The following TNS2 variants were observed in gnomAD, a reference collection of about 807,000 sequenced individuals.
The protein encoded by TNS2 is tensin 2.
In TNS2, 77 loss-of-function variants were observed where a neutral mutation model predicts 155.7. That is an observed-to-expected ratio of 0.49 (90% CI 0.41 to 0.60). TNS2 has a LOEUF of 0.60. TNS2 is among the 20% of genes least tolerant of loss of function. TNS2 has a pLI of 0.00. For synonymous variants in TNS2, 726 were observed against 763.9 expected (o/e 0.95, Z 0.82); for missense variants, 1,703 against 1,868.8 (o/e 0.91, Z 1.64).
chr12:53,054,766 C>CCGGG (rs1565604138), intron 7 of TNS2, among the ~76,000 whole-genome samples: 2 of 152,182 alleles, frequency 1.3e-5, no homozygotes, highest in East Asian at 3.9e-4. Context: ...CCTCCTCCAC[C>CCGGG]CGGGCTCAAG....
Position 53,057,647 on chromosome 12 carries a change from T to C in TNS2, c.926T>C (p.Ile309Thr). ...CCTCTCTTCCTGCACTATGTGCTCA[T>C]CCCCATGCTGCCAGCCTTTGAACCT... ...SSPLFLHYVL[I>T]PMLPAFEPGT... Residue 309 changes from isoleucine to threonine, a missense_variant, in exon 12 of 29, where the codon ATC becomes ACC. Coordinates refer to ENST00000314250, the MANE Select transcript of TNS2 (RefSeq NM_170754.4). 1.2e-6 allele frequency: 2 copies of C among 1,614,124 alleles called. No individual in the cohort carries two copies. The highest frequency in any genetic ancestry group is 1.7e-6 in the Non-Finnish European group (2 of 1,179,990).
upstream of TNS2, chr12:53,047,069 TGTG>T: frequency 6.6e-6 from 1 of 150,716 alleles, no homozygotes; most frequent in East Asian, 2.0e-4. Context: ...TCTTTGTGAG[TGTG>T]GGTTCGCGGG....
At chr12:53,054,660 T>G (rs1254625017) in intron 7 of TNS2, among the ~76,000 whole-genome samples, 1 of 152,092 alleles carries the variant, frequency 6.6e-6, no homozygotes, top group African/African-American at 2.4e-5. Flanking sequence ...CTTAGCTACC[T>G]TTTTATTTTC....
At chr12:53,054,579 G>A (rs1005401877) in intron 7 of TNS2, 138 bp downstream of exon 7, 3 of 1,175,116 alleles carry the variant, frequency 2.6e-6, no homozygotes, top group South Asian at 1.9e-5. Flanking sequence ...GGCGGGGCCC[G>A]GAGCGCGGCC....
Position 53,063,309 on chromosome 12 carries a change from A to G in TNS2, c.3993-40A>G. On this transcript the variant is annotated intron_variant, in intron 26 of 28. Coordinates refer to ENST00000314250, the MANE Select transcript of TNS2 (RefSeq NM_170754.4). This position sits in a 1 kb window ranked among gnomAD's most constrained non-coding sequence, Gnocchi z 5.6. ...CCATGCTTAAGGCCCCTGGGGGCTC[A>G]TGTTTCTGAGTGTGACCTTCCTCAC... is the stretch of plus-strand genomic sequence containing the variant. 1.9e-6 allele frequency: 3 copies of G among 1,613,856 alleles called. No homozygotes were observed. The highest frequency in any genetic ancestry group is 2.2e-5 in the East Asian group (1 of 44,856).
intron 10 of TNS2, 121 bp downstream of exon 10, chr12:53,055,966 C>A: frequency 1.0e-6 from 1 of 988,508 alleles, no homozygotes; most frequent in Non-Finnish European, 1.5e-6. Flanking sequence ...GTCAGCTTAG[C>A]ACTTCCACCT....
chr12:53,057,495 G>A (rs1944201049), intron 11 of TNS2, 72 bp from the exon 12 acceptor site: 2 of 1,146,982 alleles, frequency 1.7e-6, no homozygotes, highest in African/African-American at 1.5e-5. Context: ...TTCTAAGGGT[G>A]GATGGTTGAA....
rs758121635 is a variant in TNS2 at position 53,062,440 on chromosome 12, C to A, written c.3732C>A (p.Arg1244=). The stretch of plus-strand genomic sequence containing the variant: ...CCATCTCCCTGCCCTGCTGCCTGCG[C>A]ATTCCCAGCAAAGGTGAGTGTCTGG... ...ISPISLPCCL[R]IPSKDPLEET... is the part of the protein sequence containing the mutation. Residue 1244 remains arginine (R), a synonymous_variant, in exon 24 of 29, where the codon CGC becomes CGA. Transcript: ENST00000314250. 3 of 1,613,942 alleles carry A rather than the reference C, an allele frequency of 1.9e-6. No individual in the cohort carries two copies. The South Asian group carries it at 3.3e-5, about 18-fold the overall frequency.
In TNS2 at chr12:53,062,438, C is replaced by A. The variant is rs372825971; in HGVS notation, c.3730C>A (p.Arg1244Ser). ...ISPISLPCCL[R>S]IPSKDPLEET... ...CCCCATCTCCCTGCCCTGCTGCCTGCGCATTCCCAGCAAAGGTGAGTGTCT... is the reference window on the plus strand; with the variant it reads ...CCCCATCTCCCTGCCCTGCTGCCTGAGCATTCCCAGCAAAGGTGAGTGTCT... Residue 1244 changes from arginine (R) to serine (S), a missense_variant, in exon 24 of 29, where the codon CGC becomes AGC. Transcript: ENST00000314250. 1 of 1,613,898 alleles carries A rather than the reference C, an allele frequency of 6.2e-7. No homozygotes were observed. The highest frequency in any genetic ancestry group is 1.1e-5 in the South Asian group (1 of 91,082).
chr12:53,061,971 G>C (rs767022409), intron 22 of TNS2, 31 bp downstream of exon 22: 2 of 1,608,950 alleles, frequency 1.2e-6, no homozygotes, highest in South Asian at 2.2e-5. Context: ...AGTGGGGTGG[G>C]GATGAAGTTG....
At position 53,060,664 on chromosome 12, in the gene TNS2, C is replaced by T; in HGVS notation, c.2769-11C>T. Reference sequence around the variant, plus strand: ...GGGGCTCTGCTGACCATCTGCCCTTCCACCCTACAGCACCCGGCGACAGGA... The same window carrying T: ...GGGGCTCTGCTGACCATCTGCCCTTTCACCCTACAGCACCCGGCGACAGGA... On this transcript the variant is annotated splice_polypyrimidine_tract_variant and intron_variant, in intron 19 of 28. Transcript: ENST00000314250. The surrounding 1 kb of genome is among the most constrained non-coding windows in gnomAD (Gnocchi z 6.1). 1 of 1,581,638 alleles carries T rather than the reference C, an allele frequency of 6.3e-7. No individual in the cohort carries two copies. Among genetic ancestry groups the T allele is most frequent in the South Asian group, 1.1e-5 (1 of 88,110 alleles).
At position 53,050,328 on chromosome 12, in the gene TNS2, C is replaced by T. The variant is rs1943885228; in HGVS notation, c.75+68C>T. Reference sequence around the variant, plus strand: ...AGGTGCGGGCAGTGGGGGAGGGGACCAGGAATCAGGCCAGGCCTTCTTCCC... The same window carrying T: ...AGGTGCGGGCAGTGGGGGAGGGGACTAGGAATCAGGCCAGGCCTTCTTCCC... On this transcript the variant is annotated intron_variant, in intron 1 of 28. Coordinates refer to ENST00000314250, the MANE Select transcript of TNS2 (RefSeq NM_170754.4). The surrounding 1 kb of genome is among the most constrained non-coding windows in gnomAD (Gnocchi z 4.7). 1 of 1,481,076 alleles carries T rather than the reference C, an allele frequency of 6.8e-7. No individual in the cohort carries two copies. The highest frequency in any genetic ancestry group is 1.3e-5 in the South Asian group (1 of 75,738). The allele number at this position is 1,481,076 out of a possible 1,614,324, so 91.7% of individuals were successfully genotyped here.
At chr12:53,048,231 C>A (rs1418978751), upstream of TNS2, among the ~76,000 whole-genome samples, 2 of 152,158 alleles carry the variant, frequency 1.3e-5, no homozygotes, top group African/African-American at 4.8e-5. Flanking sequence ...GGATCCTGAC[C>A]ACCCCACCCC....
Position 53,059,286 on chromosome 12 carries a change from G to A in TNS2, c.1645G>A (p.Gly549Arg), listed in dbSNP as rs200956695. 1.4e-4 allele frequency: 201 copies of A among 1,483,264 alleles called. No individual in the cohort carries two copies. The African/African-American group carries it at 1.7e-3, about 13-fold the overall frequency. 91.9% of individuals were successfully genotyped at this position (1,483,264 alleles called of 1,614,324 possible). Residue 549 changes from glycine to arginine, a missense_variant, in exon 18 of 29, where the codon GGA becomes AGA. By Grantham distance (125) the Gly-to-Arg change is moderately radical. Coordinates refer to ENST00000314250, the MANE Select transcript of TNS2 (RefSeq NM_170754.4). This position sits in a 1 kb window ranked among gnomAD's most constrained non-coding sequence, Gnocchi z 4.7. ...GCTGGATCGCCTCCTAGGAGGCTGCGGAGTGGCCAGTGGGGGCCGGGGAGC... is the reference window on the plus strand; with the variant it reads ...GCTGGATCGCCTCCTAGGAGGCTGCAGAGTGGCCAGTGGGGGCCGGGGAGC... ...QELDRLLGGC[G>R]VASGGRGAGR...
Position 53,059,120 on chromosome 12 carries a change from C to A in TNS2, c.1479C>A (p.Thr493=), listed in dbSNP as rs370836548. Residue 493 remains threonine (T), a synonymous_variant, in exon 18 of 29, where the codon ACC becomes ACA. Coordinates refer to ENST00000314250, the MANE Select transcript of TNS2 (RefSeq NM_170754.4). The surrounding 1 kb of genome is among the most constrained non-coding windows in gnomAD (Gnocchi z 4.7). Reference sequence around the variant, plus strand: ...AGGTGCAGCGGCCTCCCCGGCAGACCCCCCCGGCACCCTCTCCAGAGCCTC... The same window carrying A: ...AGGTGCAGCGGCCTCCCCGGCAGACACCCCCGGCACCCTCTCCAGAGCCTC... ...YAQVQRPPRQ[T]PPAPSPEPPP... 6.4e-6 allele frequency: 10 copies of A among 1,552,766 alleles called. No homozygotes were observed. Among genetic ancestry groups the A allele is most frequent in the Admixed American group, 6.2e-5 (3 of 48,740 alleles).
Position 53,058,371 on chromosome 12 carries a change from T to C in TNS2, c.1151T>C (p.Val384Ala). Residue 384 changes from valine (V) to alanine (A), a missense_variant, in exon 15 of 29, where the codon GTC (valine) becomes GCC (alanine). Val to Ala is a moderately conservative substitution (Grantham distance 64, BLOSUM62 0). Transcript: ENST00000314250. ...ACAGACCGGACCCTCGTGTTCCGAG[T>C]CCAGTTCCACACCTGCACCATCCAC... is the stretch of plus-strand genomic sequence containing the variant. Reference protein sequence around the residue: ...RGTDRTLVFRVQFHTCTIHGP... With the variant: ...RGTDRTLVFRAQFHTCTIHGP... 1 of 1,614,048 alleles carries C rather than the reference T, an allele frequency of 6.2e-7. No homozygotes were observed. Among genetic ancestry groups the C allele is most frequent in the Non-Finnish European group, 8.5e-7 (1 of 1,180,004 alleles).
intron 2 of TNS2, 57 bp downstream of exon 2, chr12:53,052,020 C>A: frequency 7.3e-7 from 1 of 1,373,684 alleles, no homozygotes; most frequent in Non-Finnish European, 1.0e-6. Flanking sequence ...CTGTGTTGCA[C>A]AACTCCAGCA....
chr12:53,055,210 C>T lies in TNS2; in HGVS notation c.547C>T (p.His183Tyr), dbSNP rs1944103582. 6.2e-7 allele frequency: 1 copy of T among 1,613,950 alleles called. No individual in the cohort carries two copies. Among genetic ancestry groups the T allele is most frequent in the Non-Finnish European group, 8.5e-7 (1 of 1,180,004 alleles). Residue 183 changes from histidine to tyrosine, a missense_variant, in exon 8 of 29, where the codon CAT becomes TAT. Transcript: ENST00000314250. ...YLLFNLSEKR[H>Y]DLTRLNPKVQ... ...GCTCTTCAACCTTTCAGAGAAAAGG[C>T]ATGACCTGACCCGCTTAAACCCCAA... is the stretch of plus-strand genomic sequence containing the variant.
rs760549392 is a variant in TNS2, at chr12:53,059,826, G to A, written c.2185G>A (p.Val729Met). Residue 729 changes from valine (V) to methionine (M), a missense_variant, in exon 18 of 29, where the codon GTG becomes ATG. Val to Met is a conservative substitution (Grantham distance 21, BLOSUM62 1). Coordinates refer to ENST00000314250, the MANE Select transcript of TNS2 (RefSeq NM_170754.4). The surrounding 1 kb of genome is among the most constrained non-coding windows in gnomAD (Gnocchi z 4.7). The stretch of plus-strand genomic sequence containing the variant: ...GGCTGGCAAGCCTCTCCTGCACCCA[G>A]TGCGGCCTGGGCACCCGCTGCCTCT... ...SEAGKPLLHP[V>M]RPGHPLPLLL... The A allele has an allele frequency of 6.2e-7, 1 of 1,612,970 alleles. No homozygotes were observed. Among genetic ancestry groups the A allele is most frequent in the South Asian group, 1.1e-5 (1 of 91,074 alleles).
Sources: allele counts gnomAD v4.1 joint callset (sites outside exome capture counted in the v4.1 genomes callset), GRCh38; gene constraint gnomAD v4.1.1; non-coding constraint Gnocchi (gnomAD v3.1); transcripts MANE v1.5; gene names NCBI Gene and HGNC (gene_info 2026-07-23, HGNC 2026-07-21).